Variants in CYLC2 observed in about 807,000 individuals in gnomAD.
CYLC2 encodes the protein cylicin 2, also known as cylicin-2.
CYLC2 carries 30 observed loss-of-function variants against 26.1 expected under a neutral mutation model. That is an observed-to-expected ratio of 1.15 (90% CI 0.86 to 1.56). CYLC2 has a LOEUF of 1.56. Ranked by LOEUF, CYLC2 falls within the 40% of genes most tolerant of loss-of-function variation. The probability of loss-of-function intolerance (pLI) is 0.00; values close to 1 mark genes in which losing one functional copy is unlikely to be tolerated. For synonymous variants in CYLC2, 158 were observed against 132.8 expected (o/e 1.19, Z -1.31); for missense variants, 498 against 394.4 (o/e 1.26, Z -2.23).
rs143843968 is a variant in CYLC2 at position 103,004,827 on chromosome 9, G to A, written c.313G>A (p.Val105Ile). Residue 105 changes from valine (V) to isoleucine (I), a missense_variant, in exon 4 of 8, where the codon GTC (valine) becomes ATC (isoleucine). By Grantham distance (29) the Val-to-Ile change is conservative. Transcript: ENST00000374798. ...GCAGCCTCTCAAACCAACTCGTACTGTCGAGGTGGATTCTAAAGCAGCAGG... is the reference window on the plus strand; with the variant it reads ...GCAGCCTCTCAAACCAACTCGTACTATCGAGGTGGATTCTAAAGCAGCAGG... ...RRQPLKPTRT[V>I]EVDSKAAEIG... The A allele has an allele frequency of 3.7e-6, 6 of 1,610,542 alleles. No homozygotes were observed. The African/African-American group carries it at 8.0e-5, about 22-fold the overall frequency.
At chr9:103,014,153 A>AATATATAATATGAATATTATATATCTC (rs1444606315) in intron 6 of CYLC2, among the ~76,000 whole-genome samples, 37 of 120,682 alleles carry the variant, frequency 3.1e-4, no homozygotes, top group Admixed American at 1.5e-3. Flanking sequence ...TATATTATTT[A>AATATATAATATGAATATTATATATCTC]ATATATAATA....
At position 103,005,438 on chromosome 9, in the gene CYLC2, A is replaced by T; in HGVS notation, c.807A>T (p.Lys269Asn). The part of the protein sequence containing the change: ...DAKKDAKEIK[K>N]GKKDKKKPSS... ...AGAAAGATGCAAAGGAGATTAAAAA[A>T]GGTAAGAAAGATAAGAAGAAGCCCA... Residue 269 changes from lysine to asparagine, a missense_variant, in exon 5 of 8, where the codon AAA (lysine) becomes AAT (asparagine). Transcript: ENST00000374798. 2.5e-6 allele frequency: 4 copies of T among 1,613,498 alleles called. No individual in the cohort carries two copies. Among genetic ancestry groups the T allele is most frequent in the Non-Finnish European group, 3.4e-6 (4 of 1,179,884 alleles).
In CYLC2 at chr9:103,005,356, A is replaced by C. The variant is rs1362000031; in HGVS notation, c.725A>C (p.Lys242Thr). 1.2e-6 allele frequency: 2 copies of C among 1,613,968 alleles called. No homozygotes were observed. Among genetic ancestry groups the C allele is most frequent in the Non-Finnish European group, 8.5e-7 (1 of 1,179,952 alleles). Residue 242 changes from lysine (K) to threonine (T), a missense_variant, in exon 5 of 8, where the codon AAG (lysine) becomes ACG (threonine). Physicochemically the swap from Lys to Thr is moderately conservative, Grantham distance 78. Transcript: ENST00000374798. ...TTACAAGCTGTAAAAGCAGATGAAA[A>C]GAAGGATGAGGATGGAAAAAAAGAT... The part of the protein sequence containing the change: ...IELQAVKADE[K>T]KDEDGKKDAN...
At chr9:103,013,154 A>AAC (rs1564100293) in intron 6 of CYLC2, among the ~76,000 whole-genome samples, 1 of 30,998 alleles carries the variant, frequency 3.2e-5, no homozygotes, top group Non-Finnish European at 7.0e-5. Flanking sequence ...ATCATATATA[A>AAC]ATATATATTA....
chr9:103,000,635 T>C (rs1483302233), intron 1 of CYLC2, among the ~76,000 whole-genome samples: 1 of 151,956 alleles, frequency 6.6e-6, no homozygotes, highest in Non-Finnish European at 1.5e-5. Context: ...CACGAAAAAA[T>C]GTGCCACGTT....
chr9:103,013,401 AT>A (rs1329488745), intron 6 of CYLC2, among the ~76,000 whole-genome samples: 9 of 107,424 alleles, frequency 8.4e-5, no homozygotes, highest in East Asian at 5.6e-4. Flanking sequence ...TATTATATAA[AT>A]ATATATTTAA....
In CYLC2 at chr9:103,011,702, T is replaced by C. The variant is rs563646273; in HGVS notation, c.*701-280T>C. ...AATAAAGTGTTCTAAAGTTTATTTA[T>C]GAAATAAACAGAAAATTTTGCCTCT... On this transcript the variant is annotated intron_variant, in intron 5 of 7. Transcript: ENST00000374798. Among the ~76,000 whole-genome samples the C allele has an allele frequency of 9.2e-5, 14 of 152,154 alleles. No individual in the cohort carries two copies. The South Asian group carries it at 2.7e-3, about 29-fold the overall frequency.
rs116688272 is a variant in CYLC2 at position 103,000,911 on chromosome 9, C to T, written c.18-667C>T. On this transcript the variant is annotated intron_variant, in intron 1 of 7. Coordinates refer to ENST00000374798, the MANE Select transcript of CYLC2 (RefSeq NM_001340.5). ...ATCGTAAAACACTCCTTCGTGGGAACAAACATGTTAAGATAGTAATAAAAC... is the reference window on the plus strand; with the variant it reads ...ATCGTAAAACACTCCTTCGTGGGAATAAACATGTTAAGATAGTAATAAAAC... 4.1e-3 allele frequency among the ~76,000 whole-genome samples: 621 copies of T among 152,146 alleles called. 9 individuals carry two copies. Among genetic ancestry groups the T allele is most frequent in the African/African-American group, 0.014 (598 of 41,540 alleles).
Position 103,005,371 on chromosome 9 carries a change from G to GA in CYLC2, c.747dup (p.Asp250ArgfsTer6), listed in dbSNP as rs752464609. 1.9e-6 allele frequency: 3 copies of GA among 1,613,714 alleles called. No individual in the cohort carries two copies. The highest frequency in any genetic ancestry group is 2.5e-6 in the Non-Finnish European group (3 of 1,179,928). On this transcript the variant is annotated frameshift_variant, in exon 5 of 8. Coordinates refer to ENST00000374798, the MANE Select transcript of CYLC2 (RefSeq NM_001340.5). LOFTEE classifies it low-confidence loss of function (END_TRUNC). ...GCAGATGAAAAGAAGGATGAGGATG[G>GA]AAAAAAAGATGCAAACAAAGGTGAT...
intron 5 of CYLC2, among the ~76,000 whole-genome samples, chr9:103,009,620 G>A (rs894220536): frequency 3.9e-5 from 6 of 151,946 alleles, no homozygotes; most frequent in Non-Finnish European, 8.8e-5. Flanking sequence ...AGTTATTACT[G>A]ACTATAGTCA....
At chr9:103,012,354 T>G (rs1437008058) in intron 6 of CYLC2, among the ~76,000 whole-genome samples, 1 of 152,092 alleles carries the variant, frequency 6.6e-6, no homozygotes, top group Non-Finnish European at 1.5e-5. Context: ...TCAGGTCCAC[T>G]TTTTTAACCA....
At chr9:103,004,642 A>G in intron 3 of CYLC2, 53 bp from the exon 4 acceptor site, 1 of 1,286,118 alleles carries the variant, frequency 7.8e-7, no homozygotes, top group Non-Finnish European at 1.1e-6. Flanking sequence ...ATATTAATAC[A>G]AACTGTGTTA....
At position 103,005,750 on chromosome 9, in the gene CYLC2, A is replaced by G. The variant is rs1829340881; in HGVS notation, c.*72A>G. ...TGATGAAACAATAGTGGTAGTCTGC[A>G]GCTGAATTTGTGAGAAAACAAGAGG... On this transcript the variant is annotated 3_prime_UTR_variant, in exon 5 of 8. Transcript: ENST00000374798. The G allele has an allele frequency of 6.7e-7, 1 of 1,483,576 alleles. No individual in the cohort carries two copies. The highest frequency in any genetic ancestry group is 1.4e-5 in the African/African-American group (1 of 71,102). The allele number at this position is 1,483,576 out of a possible 1,614,324, so 91.9% of individuals were successfully genotyped here. A position where few individuals can be genotyped will look rare whatever the true frequency, so the allele number is the denominator to read the frequency against.
chr9:103,015,386 A>T (rs1423158873), intron 6 of CYLC2, among the ~76,000 whole-genome samples: 1 of 64,430 alleles, frequency 1.6e-5, no homozygotes, highest in African/African-American at 6.3e-5. Context: ...ATATATATTA[A>T]ATATATATAT....
At chr9:103,017,637 C>T (rs572501466) in intron 7 of CYLC2, among the ~76,000 whole-genome samples, 1 of 152,094 alleles carries the variant, frequency 6.6e-6, no homozygotes, top group East Asian at 1.9e-4. Context: ...CAATTGGTCC[C>T]TCTGTAACTT....
At position 103,012,083 on chromosome 9, in the gene CYLC2, T is replaced by C. The variant is rs1829412973; in HGVS notation, c.*802T>C. On this transcript the variant is annotated 3_prime_UTR_variant, in exon 6 of 8. Coordinates refer to ENST00000374798, the MANE Select transcript of CYLC2 (RefSeq NM_001340.5). ...GATTCTCCTGCCTCAGCCTCTCTGG[T>C]AGCTGGGATTACAGGTATGCATCAC... 1 of 150,812 alleles carries C rather than the reference T, an allele frequency of 6.6e-6. No homozygotes were observed. Among genetic ancestry groups the C allele is most frequent in the Non-Finnish European group, 1.5e-5 (1 of 67,868 alleles). 9.3% of individuals were successfully genotyped at this position (150,812 alleles called of 1,614,324 possible).
Position 103,005,779 on chromosome 9 carries a change from C to A in CYLC2, c.*101C>A. ...GAATTTGTGAGAAAACAAGAGGCCT[C>A]AAAGAATTAAATAATTTTTAAAAGG... On this transcript the variant is annotated 3_prime_UTR_variant, in exon 5 of 8. Coordinates refer to ENST00000374798, the MANE Select transcript of CYLC2 (RefSeq NM_001340.5). The A allele has an allele frequency of 4.0e-6, 5 of 1,241,596 alleles. No homozygotes were observed. Among genetic ancestry groups the A allele is most frequent in the South Asian group, 1.6e-5 (1 of 60,992 alleles). The allele number at this position is 1,241,596 out of a possible 1,614,324, so 76.9% of individuals were successfully genotyped here.
At position 103,017,455 on chromosome 9, in the gene CYLC2, C is replaced by T. The variant is rs150195294; in HGVS notation, c.*890+494C>T. 3.8e-3 allele frequency among the ~76,000 whole-genome samples: 579 copies of T among 152,058 alleles called. 3 individuals carry two copies. The highest frequency in any genetic ancestry group is 6.5e-3 in the Non-Finnish European group (439 of 67,946). The stretch of plus-strand genomic sequence containing the variant: ...CAAATTAGAGTTTTAGTTAATTGCT[C>T]CTAATTTGGTTTACTGAATAAATTG... On this transcript the variant is annotated intron_variant, in intron 7 of 7. Coordinates refer to ENST00000374798, the MANE Select transcript of CYLC2 (RefSeq NM_001340.5).
chr9:102,999,815 A>T (rs1829270684), intron 1 of CYLC2, among the ~76,000 whole-genome samples: 1 of 151,940 alleles, frequency 6.6e-6, no homozygotes, highest in Admixed American at 6.6e-5. Context: ...AAAGTAAACC[A>T]GATGATCATG....
Sources: gnomAD v4.1 joint callset for allele counts (sites outside exome capture counted in the v4.1 genomes callset) on GRCh38, gnomAD v4.1.1 for gene constraint, MANE v1.5 for transcripts, NCBI Gene and HGNC (gene_info 2026-07-23, HGNC 2026-07-21) for gene names.